The following CFAP47 variants were observed in gnomAD, a reference collection of about 807,000 sequenced individuals.
CFAP47 encodes cilia and flagella associated protein 47.
CFAP47 carries 29 observed loss-of-function variants against 148.1 expected under a neutral mutation model. That is an observed-to-expected ratio of 0.20 (90% CI 0.15 to 0.27). CFAP47 has a LOEUF of 0.27. Ranked by LOEUF, CFAP47 falls within the 10% of genes least tolerant of loss-of-function variation. CFAP47 has a pLI of 1.00. For synonymous variants in CFAP47, 664 were observed against 577.3 expected (o/e 1.15, Z -2.15); for missense variants, 1,872 against 1,697.5 (o/e 1.10, Z -1.81).
chrX:36,134,139 T>C lies in CFAP47; in HGVS notation c.5321-3819T>C, dbSNP rs890928851. ...AAATAAATTAGAGATATATATGCTA[T>C]AAACTACAAAACACTGATGAAAGCA... On this transcript the variant is annotated intron_variant, in intron 33 of 63. Coordinates refer to ENST00000378653, the MANE Select transcript of CFAP47 (RefSeq NM_001304548.2). Among the ~76,000 whole-genome samples the C allele has an allele frequency of 1.3e-4, 15 of 111,165 alleles. 1 individual carries two copies. Among genetic ancestry groups the C allele is most frequent in the African/African-American group, 4.9e-4 (15 of 30,736 alleles).
At chrX:36,248,149 C>T (rs982391235) in intron 48 of CFAP47, among the ~76,000 whole-genome samples, 2 of 105,433 alleles carry the variant, frequency 1.9e-5, no homozygotes, top group East Asian at 5.8e-4. Context: ...ATATATTATA[C>T]ACATATCATA....
chrX:36,261,427 A>G (rs1940821071), intron 49 of CFAP47, among the ~76,000 whole-genome samples: 1 of 101,742 alleles, frequency 9.8e-6, no homozygotes, highest in South Asian at 4.8e-4. Flanking sequence ...CAGCAGATAA[A>G]CAAGTGAACA....
intron 54 of CFAP47, among the ~76,000 whole-genome samples, chrX:36,304,967 G>A (rs782125941): frequency 2.0e-5 from 2 of 100,467 alleles, no homozygotes; most frequent in East Asian, 5.7e-4. Flanking sequence ...TTTTATCAAG[G>A]GACTTCAAAG....
Position 35,953,636 on chromosome X carries a change from A to G in CFAP47, c.1091A>G (p.Gln364Arg). The change falls in exon 7 of 64, where the codon CAG (glutamine) becomes CGG (arginine). Residue 364 changes from glutamine (Q) to arginine (R), a missense_variant. Physicochemically the swap from Gln to Arg is conservative, Grantham distance 43. Coordinates refer to ENST00000378653, the MANE Select transcript of CFAP47 (RefSeq NM_001304548.2). Reference sequence around the variant, plus strand: ...AAGGATATTGGACCTTCATACAGACAGGACTATGCTCTCTTTTTGAGATTT... The same window carrying G: ...AAGGATATTGGACCTTCATACAGACGGGACTATGCTCTCTTTTTGAGATTT... The part of the protein sequence containing the change: ...GKKDIGPSYR[Q>R]DYALFLRFES... 8.3e-7 allele frequency: 1 copy of G among 1,198,440 alleles called. No homozygotes were observed. Among genetic ancestry groups the G allele is most frequent in the Non-Finnish European group, 1.1e-6 (1 of 885,257 alleles).
At chrX:36,145,518 G>A (rs1401130796) in intron 36 of CFAP47, among the ~76,000 whole-genome samples, 165 bp downstream of exon 36, 3 of 111,965 alleles carry the variant, frequency 2.7e-5, no homozygotes, top group Non-Finnish European at 5.6e-5. Context: ...CAAAGGTCTA[G>A]ATGAGCGAAA....
intron 30 of CFAP47, 135 bp downstream of exon 30, chrX:36,085,673 A>C: frequency 3.3e-6 from 1 of 302,512 alleles, no homozygotes; most frequent in African/African-American, 2.8e-5. Flanking sequence ...ACACATAAAT[A>C]TACACACACG....
chrX:36,287,125 C>T (rs1009373243), intron 51 of CFAP47, among the ~76,000 whole-genome samples: 1 of 111,212 alleles, frequency 9.0e-6, no homozygotes, highest in African/African-American at 3.3e-5. Flanking sequence ...AAAACCAAAA[C>T]CAAAAAACCA....
intron 7 of CFAP47, among the ~76,000 whole-genome samples, chrX:35,954,036 C>T (rs1313195093): frequency 2.7e-5 from 3 of 110,483 alleles, no homozygotes; most frequent in African/African-American, 9.9e-5. Context: ...TAGGTTTTTT[C>T]TCAGGGATTG....
chrX:36,200,202 A>G (rs1269687022), intron 42 of CFAP47, among the ~76,000 whole-genome samples, 177 bp from the exon 43 acceptor site: 10 of 112,232 alleles, frequency 8.9e-5, no homozygotes, highest in African/African-American at 3.2e-4. Flanking sequence ...AGTTTCTCCC[A>G]TACTATGGTT....
At chrX:36,316,616 A>G (rs1453719049) in intron 56 of CFAP47, among the ~76,000 whole-genome samples, 1 of 112,028 alleles carries the variant, frequency 8.9e-6, no homozygotes, top group African/African-American at 3.2e-5. Context: ...CAAGTAAGTG[A>G]CATGACCATA....
intron 8 of CFAP47, among the ~76,000 whole-genome samples, chrX:35,960,380 G>GAAAAAAAAAAAAAAAAAAAAAAAAAAA (rs1188987905): frequency 1.3e-4 from 2 of 15,482 alleles, no homozygotes; most frequent in Admixed American, 1.1e-3. Context: ...GCTAATTTCT[G>GAAAAAAAAAAAAAAAAAAAAAAAAAAA]AAAAAAAAAA....
chrX:36,156,544 T>C (rs1206466523), intron 37 of CFAP47, among the ~76,000 whole-genome samples: 1 of 111,009 alleles, frequency 9.0e-6, no homozygotes, highest in Non-Finnish European at 1.9e-5. Context: ...TGCACTGACA[T>C]TGATGTGTTG....
At chrX:35,953,997 A>C (rs1399920857) in intron 7 of CFAP47, among the ~76,000 whole-genome samples, 1 of 111,083 alleles carries the variant, frequency 9.0e-6, no homozygotes, top group East Asian at 2.8e-4. Context: ...ATAAGAAAAA[A>C]AAACCCGGAT....
chrX:36,249,671 A>G (rs1267093911), intron 48 of CFAP47, among the ~76,000 whole-genome samples: 2 of 111,539 alleles, frequency 1.8e-5, no homozygotes, highest in African/African-American at 6.5e-5. Flanking sequence ...GATCAATATT[A>G]TTACCTAGAT....
intron 36 of CFAP47, 90 bp from the exon 37 acceptor site, chrX:36,149,018 A>G: frequency 3.8e-6 from 1 of 261,968 alleles, no homozygotes; most frequent in Non-Finnish European, 6.7e-6. Flanking sequence ...ACTAAAATCT[A>G]TTGCTATCTT....
intron 32 of CFAP47, among the ~76,000 whole-genome samples, chrX:36,101,643 G>T (rs1424065475): frequency 1.8e-5 from 2 of 111,271 alleles, no homozygotes; most frequent in Non-Finnish European, 3.8e-5. Flanking sequence ...AGTTAAGGGG[G>T]TTTAAAGAGA....
chrX:36,168,139 TC>T (rs1939516045), intron 39 of CFAP47, among the ~76,000 whole-genome samples: 1 of 111,906 alleles, frequency 8.9e-6, no homozygotes, highest in Non-Finnish European at 1.9e-5. Context: ...ATCTTGTCAA[TC>T]TTTCCTGTTT....
chrX:36,268,964 C>T (rs1286172258), intron 49 of CFAP47, among the ~76,000 whole-genome samples: 6 of 111,742 alleles, frequency 5.4e-5, no homozygotes, highest in African/African-American at 2.0e-4. Context: ...CTAATTCGGT[C>T]AGATAATTTT....
chrX:35,926,228 T>C lies in CFAP47; in HGVS notation c.401+60T>C, dbSNP rs781200570. ...AATACTCTTTAAATAAAAATGAGGG[T>C]CAAAGTAATATTTTGTATTTTTTCT... On this transcript the variant is annotated intron_variant, in intron 2 of 63. Transcript: ENST00000378653. 30 of 940,012 alleles carry C rather than the reference T, an allele frequency of 3.2e-5. 1 individual carries two copies. The African/African-American group carries it at 4.5e-4, about 14-fold the overall frequency. 77.5% of individuals were successfully genotyped at this position (940,012 alleles called of 1,213,427 possible). A position where few individuals can be genotyped will look rare whatever the true frequency, so the allele number is the denominator to read the frequency against.
Sources: allele counts gnomAD v4.1 joint callset (sites outside exome capture counted in the v4.1 genomes callset), GRCh38; gene constraint gnomAD v4.1.1; transcripts MANE v1.5; gene names NCBI Gene and HGNC (gene_info 2026-07-23, HGNC 2026-07-21).